The following TTC27 variants were observed in gnomAD, a reference collection of about 807,000 sequenced individuals.
TTC27 encodes the protein tetratricopeptide repeat domain 27.
A neutral mutation model predicts 115.9 loss-of-function variants in TTC27; 79 were observed. The observed-to-expected ratio is 0.68, with a 90% CI of 0.57 to 0.82. The LOEUF is 0.82. Ranked by LOEUF, TTC27 falls within the 40% of genes least tolerant of loss-of-function variation. The probability of loss-of-function intolerance (pLI) is 0.00; values close to 1 mark genes in which losing one functional copy is unlikely to be tolerated. For missense variants in TTC27, 1,054 were observed against 993.1 expected, an observed-to-expected ratio of 1.06 and a Z score of -0.82; for synonymous variants, 401 against 356.0, an observed-to-expected ratio of 1.13 and a Z score of -1.42.
intron 8 of TTC27, 75 bp from the exon 9 acceptor site, chr2:32,678,781 G>T: frequency 8.9e-7 from 1 of 1,122,620 alleles, no homozygotes. Context: ...AGTTTACTTT[G>T]CTTTTTAAAA....
chr2:32,704,213 G>A (rs572461416), intron 10 of TTC27, among the ~76,000 whole-genome samples: 2 of 152,036 alleles, frequency 1.3e-5, no homozygotes, highest in African/African-American at 2.4e-5. Flanking sequence ...TTGACACAGG[G>A]TCTTACTCTG....
At chr2:32,809,081 T>A (rs1671232277) in intron 16 of TTC27, among the ~76,000 whole-genome samples, 2 of 152,194 alleles carry the variant, frequency 1.3e-5, no homozygotes, top group African/African-American at 2.4e-5. Flanking sequence ...ACAACTGAAT[T>A]TTCTGTCTTC....
intron 16 of TTC27, among the ~76,000 whole-genome samples, chr2:32,788,851 C>G (rs1373510320): frequency 6.6e-6 from 1 of 151,902 alleles, no homozygotes; most frequent in East Asian, 1.9e-4. Flanking sequence ...AGTGGCTTTT[C>G]TATTTGCTCT....
intron 16 of TTC27, among the ~76,000 whole-genome samples, chr2:32,801,381 C>G (rs957378347): frequency 1.8e-4 from 28 of 152,310 alleles, no homozygotes; most frequent in African/African-American, 6.5e-4. Flanking sequence ...CTTCTTGTGG[C>G]TCCTGGCGTT....
At chr2:32,641,722 A>G (rs181842488) in intron 4 of TTC27, among the ~76,000 whole-genome samples, 1 of 152,070 alleles carries the variant, frequency 6.6e-6, no homozygotes, top group Non-Finnish European at 1.5e-5. Flanking sequence ...CTTGTTGCCC[A>G]GGCTGGAGTG....
intron 10 of TTC27, among the ~76,000 whole-genome samples, chr2:32,726,818 G>C (rs1668125539): frequency 6.6e-6 from 1 of 152,184 alleles, no homozygotes; most frequent in South Asian, 2.1e-4. Context: ...GGAAAACGGG[G>C]TTTAATGGAC....
In TTC27 at chr2:32,785,209, C is replaced by T. The variant is rs116265382; in HGVS notation, c.1833-1775C>T. ...TGCTGATGAAATAAACATCTGTCTT[C>T]ACTTCTTTGTAGATTTTAGGAATAT... On this transcript the variant is annotated intron_variant, in intron 15 of 19. Transcript: ENST00000317907. Among the ~76,000 whole-genome samples, 909 of 152,270 alleles carry T rather than the reference C, an allele frequency of 6.0e-3. 4 individuals carry two copies. Among genetic ancestry groups the T allele is most frequent in the Non-Finnish European group, 8.7e-3 (595 of 68,028 alleles).
intron 10 of TTC27, among the ~76,000 whole-genome samples, chr2:32,704,231 G>A (rs942860434): frequency 6.6e-6 from 1 of 152,016 alleles, no homozygotes; most frequent in African/African-American, 2.4e-5. Flanking sequence ...CTGTTGCCCA[G>A]GTTGGAGTGC....
intron 9 of TTC27, among the ~76,000 whole-genome samples, chr2:32,693,164 G>GT (rs1218124041): frequency 6.6e-6 from 1 of 152,122 alleles, no homozygotes; most frequent in Non-Finnish European, 1.5e-5. Flanking sequence ...TGTTTCTGTT[G>GT]TTTTTTCGTG....
At chr2:32,810,471 A>G (rs1156739880) in intron 16 of TTC27, among the ~76,000 whole-genome samples, 1 of 152,200 alleles carries the variant, frequency 6.6e-6, no homozygotes, top group African/African-American at 2.4e-5. Flanking sequence ...GAAGTGGGAG[A>G]TAATCTAGGT....
intron 10 of TTC27, among the ~76,000 whole-genome samples, chr2:32,730,127 A>G (rs1271604109): frequency 6.6e-6 from 1 of 152,142 alleles, no homozygotes; most frequent in Non-Finnish European, 1.5e-5. Flanking sequence ...ACATTCTTCC[A>G]TTGTCTTCTT....
At chr2:32,646,968 GTTTGTTT>G (rs1452356586) in intron 4 of TTC27, among the ~76,000 whole-genome samples, 1 of 147,932 alleles carries the variant, frequency 6.8e-6, no homozygotes, top group East Asian at 2.0e-4. Context: ...GTTTTTTTTT[GTTTGTTT>G]TTTGTTTTTT....
intron 11 of TTC27, among the ~76,000 whole-genome samples, chr2:32,734,954 A>G (rs1449331348): frequency 6.6e-6 from 1 of 152,194 alleles, no homozygotes; most frequent in Admixed American, 6.5e-5. Flanking sequence ...TAAGTCACAG[A>G]GAGGTTAAGT....
intron 13 of TTC27, among the ~76,000 whole-genome samples, chr2:32,763,079 G>A (rs925748918): frequency 9.9e-5 from 15 of 152,208 alleles, no homozygotes; most frequent in Non-Finnish European, 2.1e-4. Context: ...AATTATTTAC[G>A]TAGACAAAGA....
At chr2:32,797,631 A>T (rs1670754493) in intron 16 of TTC27, among the ~76,000 whole-genome samples, 1 of 152,160 alleles carries the variant, frequency 6.6e-6, no homozygotes, top group Non-Finnish European at 1.5e-5. Context: ...CAAATACTTA[A>T]ATTTAATAGC....
At chr2:32,641,715 G>C (rs1559183055) in intron 4 of TTC27, among the ~76,000 whole-genome samples, 1 of 151,782 alleles carries the variant, frequency 6.6e-6, no homozygotes, top group Non-Finnish European at 1.5e-5. Context: ...TTTCACTCTT[G>C]TTGCCCAGGC....
At chr2:32,797,097 C>T (rs894383732) in intron 16 of TTC27, among the ~76,000 whole-genome samples, 2 of 148,952 alleles carry the variant, frequency 1.3e-5, no homozygotes, top group African/African-American at 5.0e-5. Flanking sequence ...TCGCTTGAAC[C>T]TGGGAGGCAG....
chr2:32,720,220 A>G (rs1667878128), intron 10 of TTC27, among the ~76,000 whole-genome samples: 1 of 152,178 alleles, frequency 6.6e-6, no homozygotes. Context: ...TAATTCTATT[A>G]TGCTCTATTT....
Position 32,820,983 on chromosome 2 carries a change from T to G in TTC27, c.*45T>G. 8 of 1,433,348 alleles carry G rather than the reference T, an allele frequency of 5.6e-6. No individual in the cohort carries two copies. Among genetic ancestry groups the G allele is most frequent in the Non-Finnish European group, 7.4e-6 (8 of 1,078,684 alleles). 88.8% of individuals were successfully genotyped at this position (1,433,348 alleles called of 1,614,324 possible). ...TGGAAAAGGTGCTTTCACCTGCTGG[T>G]AAAAGATACATCTGTATATCTGAAA... On this transcript the variant is annotated 3_prime_UTR_variant, in exon 20 of 20. Transcript: ENST00000317907.
Sources: gnomAD v4.1 joint callset for allele counts (sites outside exome capture counted in the v4.1 genomes callset) on GRCh38, gnomAD v4.1.1 for gene constraint, MANE v1.5 for transcripts, NCBI Gene and HGNC (gene_info 2026-07-23, HGNC 2026-07-21) for gene names.